Variants in NYAP2 observed in about 807,000 individuals in gnomAD.
The protein encoded by NYAP2 is neuronal tyrosine-phosphorylated phosphoinositide-3-kinase adapter 2.
NYAP2 carries 23 observed loss-of-function variants against 50.4 expected under a neutral mutation model. The observed-to-expected ratio is 0.46, with a 90% CI of 0.33 to 0.65. The LOEUF is 0.65. Ranked by LOEUF, NYAP2 falls within the 30% of genes least tolerant of loss-of-function variation. The pLI is 0.02. For synonymous variants in NYAP2, 394 were observed against 365.2 expected, an observed-to-expected ratio of 1.08 and a Z score of -0.90; for missense variants, 885 against 861.0, an observed-to-expected ratio of 1.03 and a Z score of -0.35.
chr2:225,616,300 A>G (rs918457936), intron 5 of NYAP2, among the ~76,000 whole-genome samples: 2 of 152,214 alleles, frequency 1.3e-5, no homozygotes, highest in Admixed American at 6.5e-5. Flanking sequence ...TTTATACAAG[A>G]GAGAAGGAAT....
chr2:225,702,218 A>G, the NYAP2 span: 1 of 151,776 alleles, frequency 6.6e-6, no homozygotes, highest in Non-Finnish European at 1.5e-5. Context: ...TAAAAGAAAA[A>G]TGGTACCTAT....
At chr2:225,455,811 A>G (rs1473362255) in intron 3 of NYAP2, among the ~76,000 whole-genome samples, 1 of 152,226 alleles carries the variant, frequency 6.6e-6, no homozygotes, top group Non-Finnish European at 1.5e-5. Context: ...TGTTTGAGAA[A>G]CTAAGTGCTT....
At chr2:225,592,148 A>G (rs756772383) in intron 5 of NYAP2, among the ~76,000 whole-genome samples, 18 of 152,198 alleles carry the variant, frequency 1.2e-4, no homozygotes, top group Non-Finnish European at 1.9e-4. Context: ...ACTCACCTCA[A>G]TGCCTCTAAG....
intron 3 of NYAP2, among the ~76,000 whole-genome samples, chr2:225,471,220 A>G (rs1473316937): frequency 6.6e-6 from 1 of 152,218 alleles, no homozygotes; most frequent in Non-Finnish European, 1.5e-5. Flanking sequence ...AGCAACTGTC[A>G]ATTTAAAATC....
intron 6 of NYAP2, among the ~76,000 whole-genome samples, chr2:225,630,886 A>G (rs1693301353): frequency 6.6e-6 from 1 of 152,220 alleles, no homozygotes; most frequent in Non-Finnish European, 1.5e-5. Context: ...GAAAGTCAGG[A>G]CTTACAGTTT....
chr2:225,583,046 A>G lies in NYAP2; in HGVS notation c.1618+11A>G. 6.2e-7 allele frequency: 1 copy of G among 1,605,038 alleles called. No homozygotes were observed. Among genetic ancestry groups the G allele is most frequent in the Non-Finnish European group, 8.5e-7 (1 of 1,175,598 alleles). On this transcript the variant is annotated intron_variant, in intron 5 of 6. Coordinates refer to ENST00000636099, the Ensembl canonical transcript of NYAP2. ...AAGAGCCTGCAGAGAGTAAGTGTGC[A>G]GGGCCTGCCTGAGCCCCAGAGCCCA...
In NYAP2 at chr2:225,513,105, C is replaced by T. The variant is rs560393755; in HGVS notation, c.222-266C>T. ...ATGGAATTCTTGTTTACATTTTAAG[C>T]CACTGATAAGATTTACCTAAAGTAA... On this transcript the variant is annotated intron_variant, in intron 3 of 6. Transcript: ENST00000636099. Among the ~76,000 whole-genome samples the T allele has an allele frequency of 4.6e-5, 7 of 152,122 alleles. No individual in the cohort carries two copies. The East Asian group carries it at 1.4e-3, about 29-fold the overall frequency.
chr2:225,399,311 A>G (rs1255915166), upstream of NYAP2, among the ~76,000 whole-genome samples: 1 of 152,054 alleles, frequency 6.6e-6, no homozygotes, highest in Non-Finnish European at 1.5e-5. Context: ...AGGAGCCAGT[A>G]TGAGAAAAAC....
chr2:225,696,689 A>T, the NYAP2 span, among the ~76,000 whole-genome samples: 1 of 151,944 alleles, frequency 6.6e-6, no homozygotes, highest in African/African-American at 2.4e-5. Context: ...ACTAAAATCC[A>T]CGTTCACAGT....
intron 4 of NYAP2, among the ~76,000 whole-genome samples, chr2:225,545,036 A>G (rs10175663): frequency 0.28 from 42,067 of 152,022 alleles, 6,627 homozygotes; most frequent in African/African-American, 0.45. Context: ...ATAAGATTTC[A>G]ACTGAAACAT....
chr2:225,501,616 CA>C (rs1559197246), intron 3 of NYAP2, among the ~76,000 whole-genome samples: 1 of 152,140 alleles, frequency 6.6e-6, no homozygotes, highest in Non-Finnish European at 1.5e-5. Flanking sequence ...TTCCATCATA[CA>C]TTTTTTTTTG....
At chr2:225,553,342 T>C (rs1691715474) in intron 4 of NYAP2, among the ~76,000 whole-genome samples, 1 of 152,186 alleles carries the variant, frequency 6.6e-6, no homozygotes, top group African/African-American at 2.4e-5. Context: ...CTTCCTCCTC[T>C]AACAGGGAGC....
chr2:225,508,132 A>G (rs1690743801), intron 3 of NYAP2, among the ~76,000 whole-genome samples: 1 of 152,232 alleles, frequency 6.6e-6, no homozygotes, highest in South Asian at 2.1e-4. Flanking sequence ...TCATTATATG[A>G]GAAAAAGCAT....
At chr2:225,642,669 GA>G (rs567702896) in intron 6 of NYAP2, among the ~76,000 whole-genome samples, 1 of 152,148 alleles carries the variant, frequency 6.6e-6, no homozygotes, top group South Asian at 2.1e-4. Flanking sequence ...TAATCGATTG[GA>G]CAGACTTGAT....
chr2:225,645,515 A>C (rs1693619253), intron 6 of NYAP2, among the ~76,000 whole-genome samples: 1 of 149,746 alleles, frequency 6.7e-6, no homozygotes. Flanking sequence ...TTCTGAATCA[A>C]CCTCTTTCTC....
At chr2:225,566,172 GATAA>G (rs1293959210) in intron 4 of NYAP2, among the ~76,000 whole-genome samples, 2 of 152,090 alleles carry the variant, frequency 1.3e-5, no homozygotes, top group Non-Finnish European at 2.9e-5. Flanking sequence ...TAAAGCATTT[GATAA>G]ATAGTGGCTA....
chr2:225,476,384 G>A (rs1690107755), intron 3 of NYAP2, among the ~76,000 whole-genome samples: 1 of 150,218 alleles, frequency 6.7e-6, no homozygotes. Flanking sequence ...CTGCACTCCA[G>A]CCTGGGTGAC....
At position 225,598,685 on chromosome 2, in the gene NYAP2, A is replaced by G. The variant is rs1290530992; in HGVS notation, c.1618+15650A>G. Among the ~76,000 whole-genome samples the G allele has an allele frequency of 2.0e-5, 3 of 152,384 alleles. No individual in the cohort carries two copies. The East Asian group carries it at 5.8e-4, about 29-fold the overall frequency. On this transcript the variant is annotated intron_variant, in intron 5 of 6. Coordinates refer to ENST00000636099, the Ensembl canonical transcript of NYAP2. The stretch of plus-strand genomic sequence containing the variant: ...ACAGATAAGCTAGCATAGAGAAGGC[A>G]ATGCATGATAAGTGACTATCCATAA...
chr2:225,406,305 G>T (rs1476763855), intron 2 of NYAP2, among the ~76,000 whole-genome samples: 1 of 151,848 alleles, frequency 6.6e-6, no homozygotes, highest in Non-Finnish European at 1.5e-5. Flanking sequence ...AAACAAAGAG[G>T]TGTGATGTTT....
Sources: allele counts gnomAD v4.1 joint callset (sites outside exome capture counted in the v4.1 genomes callset), GRCh38; gene constraint gnomAD v4.1.1; transcripts MANE v1.5; gene names NCBI Gene and HGNC (gene_info 2026-07-23, HGNC 2026-07-21).